CACHD1: variants seen among roughly 807,000 people sequenced by gnomAD.
CACHD1 encodes VWFA and cache domain-containing protein 1.
A neutral mutation model predicts 138.7 loss-of-function variants in CACHD1; 71 were observed. The observed-to-expected ratio is 0.51, with a 90% CI of 0.42 to 0.62. The LOEUF (loss-of-function observed/expected upper bound fraction) is 0.62, where lower values mean the gene tolerates loss of function less well. CACHD1 is among the 20% of genes least tolerant of loss of function. The pLI, the probability that CACHD1 is intolerant of heterozygous loss-of-function variation, is 0.00. For synonymous variants in CACHD1, 578 were observed against 591.5 expected (o/e 0.98, Z 0.33); for missense variants, 1,389 against 1,625.3 (o/e 0.85, Z 2.50).
At chr1:64,489,373 A>T (rs1421901151) in intron 1 of CACHD1, among the ~76,000 whole-genome samples, 1 of 152,160 alleles carries the variant, frequency 6.6e-6, no homozygotes, top group East Asian at 1.9e-4. Context: ...AGCCATTTTT[A>T]AGTAGTGCAG....
chr1:64,601,114 T>A (rs925762019), intron 3 of CACHD1, among the ~76,000 whole-genome samples: 22 of 152,176 alleles, frequency 1.4e-4, no homozygotes, highest in Non-Finnish European at 1.3e-4. Flanking sequence ...TTTTGAAAAT[T>A]AAGTTTTATT....
At chr1:64,526,676 T>G (rs894389550) in intron 1 of CACHD1, among the ~76,000 whole-genome samples, 2 of 152,164 alleles carry the variant, frequency 1.3e-5, no homozygotes, top group Non-Finnish European at 2.9e-5. Context: ...CGCAGAAAAC[T>G]CTGCAGATTT....
At chr1:64,590,584 C>T (rs988913884) in intron 3 of CACHD1, among the ~76,000 whole-genome samples, 2 of 152,086 alleles carry the variant, frequency 1.3e-5, no homozygotes, top group Non-Finnish European at 2.9e-5. Flanking sequence ...GATTCCTGTA[C>T]TTAGCTCTTT....
chr1:64,618,942 A>G (rs761843973), intron 4 of CACHD1, among the ~76,000 whole-genome samples: 13 of 152,160 alleles, frequency 8.5e-5, no homozygotes, highest in Non-Finnish European at 1.5e-4. Context: ...GTGGGAGGCA[A>G]TAAGCTTTCC....
intron 2 of CACHD1, chr1:64,580,009 A>G (rs1351155571): frequency 3.3e-5 from 5 of 152,184 alleles, no homozygotes; most frequent in East Asian, 1.9e-4. Flanking sequence ...AGCTGGGCCT[A>G]TTGCTCTGAC....
chr1:64,587,197 A>T (rs899739050), intron 3 of CACHD1, among the ~76,000 whole-genome samples: 1 of 152,194 alleles, frequency 6.6e-6, no homozygotes, highest in Admixed American at 6.5e-5. Flanking sequence ...CTCCAAATAT[A>T]CTAAAGATTA....
chr1:64,479,787 T>C (rs985321922), intron 1 of CACHD1, among the ~76,000 whole-genome samples: 1 of 152,188 alleles, frequency 6.6e-6, no homozygotes, highest in Non-Finnish European at 1.5e-5. Context: ...AAATAGGTTC[T>C]CCCCTCTATT....
At chr1:64,643,761 C>T (rs1648813691) in intron 8 of CACHD1, among the ~76,000 whole-genome samples, 1 of 152,162 alleles carries the variant, frequency 6.6e-6, no homozygotes, top group Non-Finnish European at 1.5e-5. Context: ...AGGCTAGAAC[C>T]CGGGAGGCGG....
chr1:64,668,613 G>A (rs1021241084), intron 16 of CACHD1, among the ~76,000 whole-genome samples: 1 of 152,170 alleles, frequency 6.6e-6, no homozygotes, highest in African/African-American at 2.4e-5. Context: ...TATAATAAGA[G>A]CAAGAAATGG....
In CACHD1 at chr1:64,675,467, A is replaced by G; in HGVS notation, c.2794A>G (p.Thr932Ala). 1 of 1,613,606 alleles carries G rather than the reference A, an allele frequency of 6.2e-7. No homozygotes were observed. The highest frequency in any genetic ancestry group is 8.5e-7 in the Non-Finnish European group (1 of 1,179,660). ...ATACAGATTAGCAAGGATCCCAGGA[A>G]CCAACGCGTTTGTTGGCATTGTCAA... ...SKYRLARIPG[T>A]NAFVGIVNET... is the part of the protein sequence containing the mutation. Residue 932 changes from threonine to alanine, a missense_variant, in exon 20 of 27, where the codon ACC becomes GCC. Physicochemically the swap from Thr to Ala is moderately conservative, Grantham distance 58. Transcript: ENST00000651257.
chr1:64,500,245 G>C (rs539859746), intron 1 of CACHD1, among the ~76,000 whole-genome samples: 48 of 152,206 alleles, frequency 3.2e-4, no homozygotes, highest in Non-Finnish European at 5.6e-4. Context: ...GGGAGCTGGA[G>C]TCTATGGGAG....
At chr1:64,682,196 C>A in intron 26 of CACHD1, 90 bp downstream of exon 26, 1 of 1,123,000 alleles carries the variant, frequency 8.9e-7, no homozygotes, top group Non-Finnish European at 1.3e-6. Context: ...CATGGTTTTC[C>A]AAAAAGACAC....
intron 1 of CACHD1, among the ~76,000 whole-genome samples, chr1:64,502,340 T>C (rs914543433): frequency 6.6e-6 from 1 of 152,214 alleles, no homozygotes; most frequent in African/African-American, 2.4e-5. Flanking sequence ...GCTGAACATA[T>C]TAAACACTGG....
At chr1:64,654,640 AATTTTATCTTTTGCCT>A in intron 11 of CACHD1, 30 bp from the exon 12 acceptor site, 1 of 1,438,726 alleles carries the variant, frequency 7.0e-7, no homozygotes. Context: ...TTAAGTGCTT[AATTTTATCTTTTGCCT>A]GAAATATTTA....
At chr1:64,603,197 C>G (rs868217683) in intron 4 of CACHD1, among the ~76,000 whole-genome samples, 1 of 149,700 alleles carries the variant, frequency 6.7e-6, no homozygotes, top group Non-Finnish European at 1.5e-5. Flanking sequence ...CTCCGCCTCC[C>G]GGGTTCACAC....
intron 1 of CACHD1, among the ~76,000 whole-genome samples, chr1:64,486,616 C>T (rs1235470157): frequency 1.3e-5 from 2 of 152,108 alleles, no homozygotes; most frequent in Non-Finnish European, 2.9e-5. Flanking sequence ...GTGAGTTTTG[C>T]AGTTCTTGTT....
At chr1:64,640,239 G>C (rs1648659672) in intron 7 of CACHD1, among the ~76,000 whole-genome samples, 2 of 152,324 alleles carry the variant, frequency 1.3e-5, no homozygotes, top group South Asian at 4.1e-4. Context: ...GAATCACTAA[G>C]GGACCAAGTT....
intron 17 of CACHD1, 34 bp from the exon 18 acceptor site, chr1:64,673,124 A>C (rs768411324): frequency 6.7e-7 from 1 of 1,487,834 alleles, no homozygotes; most frequent in Non-Finnish European, 9.2e-7. Context: ...AAAACAGCTG[A>C]TATGAATGAG....
At chr1:64,495,998 A>G (rs941789157) in intron 1 of CACHD1, among the ~76,000 whole-genome samples, 4 of 152,322 alleles carry the variant, frequency 2.6e-5, no homozygotes, top group African/African-American at 9.6e-5. Flanking sequence ...TTAGCTTTGA[A>G]TGTGCTGCCA....
Sources: allele counts gnomAD v4.1 joint callset (sites outside exome capture counted in the v4.1 genomes callset), GRCh38; gene constraint gnomAD v4.1.1; transcripts MANE v1.5; gene names NCBI Gene and HGNC (gene_info 2026-07-23, HGNC 2026-07-21).